Variants in NR3C2 observed in about 807,000 individuals in gnomAD.
NR3C2 encodes the protein mineralocorticoid receptor.
In NR3C2, 15 loss-of-function variants were observed where a neutral mutation model predicts 86.4. The observed-to-expected ratio is 0.17, with a 90% CI of 0.12 to 0.27. The LOEUF (loss-of-function observed/expected upper bound fraction) is 0.27, where lower values mean the gene tolerates loss of function less well. NR3C2 is among the 10% of genes least tolerant of loss of function. The pLI, the probability that NR3C2 is intolerant of heterozygous loss-of-function variation, is 1.00. For synonymous variants in NR3C2, 458 were observed against 450.5 expected (o/e 1.02, Z -0.21); for missense variants, 960 against 1,195.6 (o/e 0.80, Z 2.91).
intron 4 of NR3C2, among the ~76,000 whole-genome samples, chr4:148,186,409 A>G (rs146727638): frequency 4.3e-4 from 66 of 152,176 alleles, no homozygotes; most frequent in African/African-American, 1.3e-3. Flanking sequence ...CATATTGTTT[A>G]AGGCCTTTGC....
At chr4:148,310,659 C>T (rs1009644311) in intron 2 of NR3C2, among the ~76,000 whole-genome samples, 8 of 152,182 alleles carry the variant, frequency 5.3e-5, no homozygotes, top group Non-Finnish European at 8.8e-5. Context: ...AATCAGCTCC[C>T]CACATTCTCA....
intron 2 of NR3C2, among the ~76,000 whole-genome samples, chr4:148,403,852 T>C (rs72658625): frequency 2.0e-5 from 3 of 152,060 alleles, no homozygotes; most frequent in Admixed American, 6.5e-5. Context: ...CAAGTTCCCA[T>C]TTATGTACTT....
intron 2 of NR3C2, among the ~76,000 whole-genome samples, chr4:148,353,257 A>C (rs1745386177): frequency 6.6e-6 from 1 of 152,108 alleles, no homozygotes; most frequent in Admixed American, 6.6e-5. Flanking sequence ...TAATTTCAAA[A>C]ACCCTGATAA....
At chr4:148,414,126 A>C (rs890032924) in intron 2 of NR3C2, among the ~76,000 whole-genome samples, 1 of 152,220 alleles carries the variant, frequency 6.6e-6, no homozygotes, top group Non-Finnish European at 1.5e-5. Context: ...AACTACATCT[A>C]AATGTATCAT....
In NR3C2 at chr4:148,364,796, GAA is replaced by G. The variant is rs1407594386; in HGVS notation, c.1757+70306_1757+70307del. ...CCCTTATCCAAATTGCTCGGGACCA[GAA>G]GTGTTTTGGCTTTGGGTTTTTTTTT... is the stretch of plus-strand genomic sequence containing the variant. On this transcript the variant is annotated intron_variant, in intron 2 of 8. Transcript: ENST00000358102. Among the ~76,000 whole-genome samples, 3 of 147,640 alleles carry G rather than the reference GAA, an allele frequency of 2.0e-5. No homozygotes were observed. The Admixed American group carries it at 2.1e-4, about 10-fold the overall frequency.
chr4:148,163,024 A>G (rs914730206), intron 4 of NR3C2, among the ~76,000 whole-genome samples: 1 of 152,216 alleles, frequency 6.6e-6, no homozygotes, highest in African/African-American at 2.4e-5. Context: ...TCAAAAACTT[A>G]AAGAGACATT....
intron 2 of NR3C2, among the ~76,000 whole-genome samples, chr4:148,387,971 T>C (rs911914726): frequency 2.6e-5 from 4 of 152,204 alleles, no homozygotes; most frequent in Non-Finnish European, 5.9e-5. Context: ...TATGAACACA[T>C]CACTGAAAAT....
At chr4:148,313,178 A>G (rs899103994) in intron 2 of NR3C2, among the ~76,000 whole-genome samples, 2 of 152,204 alleles carry the variant, frequency 1.3e-5, no homozygotes, top group African/African-American at 4.8e-5. Flanking sequence ...TCCTTGGGCT[A>G]CAGTCCAACA....
chr4:148,315,349 T>C (rs1031143550), intron 2 of NR3C2, among the ~76,000 whole-genome samples: 1 of 152,194 alleles, frequency 6.6e-6, no homozygotes, highest in African/African-American at 2.4e-5. Flanking sequence ...TCCAAGGTAC[T>C]ATGTTAAGTT....
intron 7 of NR3C2, among the ~76,000 whole-genome samples, chr4:148,114,523 T>G (rs1315144461): frequency 6.6e-6 from 1 of 152,206 alleles, no homozygotes; most frequent in Non-Finnish European, 1.5e-5. Flanking sequence ...ACATAACTGT[T>G]ATATCATTCT....
intron 2 of NR3C2, among the ~76,000 whole-genome samples, chr4:148,365,745 TCA>T (rs1746082379): frequency 2.4e-5 from 1 of 41,500 alleles, no homozygotes; most frequent in African/African-American, 1.2e-4. Flanking sequence ...AGCAGCAAAG[TCA>T]CAGTTTTTCT....
At chr4:148,303,622 T>C (rs1277329184) in intron 2 of NR3C2, among the ~76,000 whole-genome samples, 1 of 152,008 alleles carries the variant, frequency 6.6e-6, no homozygotes, top group Non-Finnish European at 1.5e-5. Flanking sequence ...CCGAGATGCA[T>C]TTTTGGTCCC....
At chr4:148,161,812 AT>A in intron 4 of NR3C2, among the ~76,000 whole-genome samples, 1 of 152,214 alleles carries the variant, frequency 6.6e-6, no homozygotes, top group African/African-American at 2.4e-5. Flanking sequence ...AGAGATTACA[AT>A]CTTAGGGAAG....
At chr4:148,415,997 G>A (rs1042303683) in intron 2 of NR3C2, among the ~76,000 whole-genome samples, 5 of 151,672 alleles carry the variant, frequency 3.3e-5, no homozygotes, top group Middle Eastern at 6.8e-3. Context: ...ATACACATAC[G>A]TAACTGAGCA....
intron 2 of NR3C2, among the ~76,000 whole-genome samples, chr4:148,342,325 C>T (rs1213275489): frequency 1.3e-5 from 2 of 152,142 alleles, no homozygotes; most frequent in African/African-American, 4.8e-5. Context: ...GACAAAGGTG[C>T]GTGACGGTCA....
chr4:148,192,231 C>A (rs1402016977), intron 4 of NR3C2, among the ~76,000 whole-genome samples: 3 of 152,142 alleles, frequency 2.0e-5, no homozygotes, highest in African/African-American at 7.2e-5. Context: ...TTCCTGTGAG[C>A]CAAACTGCAG....
At chr4:148,412,571 T>TA (rs202191734) in intron 2 of NR3C2, among the ~76,000 whole-genome samples, 28 of 150,510 alleles carry the variant, frequency 1.9e-4, no homozygotes, top group Middle Eastern at 3.4e-3. Flanking sequence ...GGAGAAGGAG[T>TA]AAAAAAAAAT....
chr4:148,283,423 C>T (rs1741347815), intron 2 of NR3C2, among the ~76,000 whole-genome samples: 2 of 152,134 alleles, frequency 1.3e-5, no homozygotes, highest in Admixed American at 1.3e-4. Flanking sequence ...CATAAAGAAC[C>T]TATTGATAAA....
At chr4:148,409,042 G>A (rs1297414058) in intron 2 of NR3C2, among the ~76,000 whole-genome samples, 1 of 152,092 alleles carries the variant, frequency 6.6e-6, no homozygotes, top group Non-Finnish European at 1.5e-5. Context: ...ATGAATTGTT[G>A]TAAATGTTTG....
Sources: gnomAD v4.1 joint callset for allele counts (sites outside exome capture counted in the v4.1 genomes callset) on GRCh38, gnomAD v4.1.1 for gene constraint, MANE v1.5 for transcripts, NCBI Gene and HGNC (gene_info 2026-07-23, HGNC 2026-07-21) for gene names.